Variants in FGR observed in about 807,000 individuals in gnomAD.
The protein encoded by FGR is FGR proto-oncogene, Src family tyrosine kinase, also known as tyrosine-protein kinase Fgr.
A neutral mutation model predicts 63.2 loss-of-function variants in FGR; 26 were observed. The ratio of observed to expected loss-of-function variants is 0.41; its 90% CI spans 0.30 to 0.57. The LOEUF (loss-of-function observed/expected upper bound fraction) is 0.57. Among genes scored for constraint, FGR ranks in the 20% least tolerant of loss-of-function variants. The pLI, the probability that FGR is intolerant of heterozygous loss-of-function variation, is 0.27. For missense variants in FGR, 511 were observed against 690.8 expected (o/e 0.74, Z 2.92); for synonymous variants, 286 against 277.7 (o/e 1.03, Z -0.30).
At chr1:27,626,411 C>G in intron 1 of FGR, 1 of 389,352 alleles carries the variant, frequency 2.6e-6, no homozygotes, top group East Asian at 3.6e-5. Context: ...TACAGATATT[C>G]TCTTCCTCTT....
At chr1:27,630,048 AGATTTTTTTTGT>A (rs1444116405) in intron 1 of FGR, among the ~76,000 whole-genome samples, 2 of 151,070 alleles carry the variant, frequency 1.3e-5, no homozygotes, top group East Asian at 3.9e-4. Context: ...AAACATTATG[AGATTTTTTTTGT>A]GATTTTTTTT....
intron 2 of FGR, among the ~76,000 whole-genome samples, chr1:27,624,487 CTCTT>C (rs1436164281): frequency 3.3e-5 from 5 of 152,142 alleles, no homozygotes; most frequent in Admixed American, 6.5e-5. Flanking sequence ...GTTTCTGTGA[CTCTT>C]TCAGTGTGCT....
chr1:27,621,538 CT>C lies in FGR; in HGVS notation c.428+20del, dbSNP rs1337211827. On this transcript the variant is annotated intron_variant, in intron 5 of 12. Coordinates refer to ENST00000374005, the MANE Select transcript of FGR (RefSeq NM_005248.3). ...CCAGGGTCCTGTCCATAGGGCTGGT[CT>C]TGCCCCAATCCCTACTTACTCTTCA... 3 of 1,593,430 alleles carry C rather than the reference CT, an allele frequency of 1.9e-6. No homozygotes were observed. In the African/African-American group the frequency reaches 4.0e-5, roughly 21 times the overall value.
rs567317051 is a variant in FGR at position 27,612,973 on chromosome 1, A to G, written c.1531T>C (p.Phe511Leu). 11 of 1,614,158 alleles carry G rather than the reference A, an allele frequency of 6.8e-6. No individual in the cohort carries two copies. In the South Asian group the frequency reaches 8.8e-5, roughly 13 times the overall value. The change falls in exon 13 of 13, where the codon TTC becomes CTC. Residue 511 changes from phenylalanine to leucine, a missense_variant. Phe to Leu is a conservative substitution (Grantham distance 22, BLOSUM62 0). Transcript: ENST00000374005. ...ERPTFEYLQS[F>L]LEDYFTSAEP... Reference sequence around the variant, plus strand: ...GCGGAGGTGAAGTAGTCCTCCAGGAAGGACTGCAGGTACTCGAAGGTAGGC... The same window carrying G: ...GCGGAGGTGAAGTAGTCCTCCAGGAGGGACTGCAGGTACTCGAAGGTAGGC...
Position 27,612,908 on chromosome 1 carries a change from G to A in FGR, c.*6C>T, listed in dbSNP as rs761340602. 2.5e-6 allele frequency: 4 copies of A among 1,610,858 alleles called. No homozygotes were observed. The highest frequency in any genetic ancestry group is 2.2e-5 in the South Asian group (2 of 90,906). On this transcript the variant is annotated 3_prime_UTR_variant, in exon 13 of 13. Transcript: ENST00000374005. Reference sequence around the variant, plus strand: ...CACCGCCAGAGAGGGTTGATGCCCGGACAGGCTATGTCTGATCCCCGGGCT... The same window carrying A: ...CACCGCCAGAGAGGGTTGATGCCCGAACAGGCTATGTCTGATCCCCGGGCT...
chr1:27,621,037 G>GAAAAGAAAAACA (rs201283255), intron 5 of FGR, among the ~76,000 whole-genome samples: 1 of 81,788 alleles, frequency 1.2e-5, no homozygotes, highest in Non-Finnish European at 2.7e-5. Context: ...AGAAAGAAAA[G>GAAAAGAAAAACA]AAAAGAAAAA....
At position 27,617,361 on chromosome 1, in the gene FGR, A is replaced by T; in HGVS notation, c.429-65T>A. 8.7e-7 allele frequency: 1 copy of T among 1,154,684 alleles called. No individual in the cohort carries two copies. Among genetic ancestry groups the T allele is most frequent in the Non-Finnish European group, 1.3e-6 (1 of 767,812 alleles). 71.5% of individuals were successfully genotyped at this position (1,154,684 alleles called of 1,614,324 possible). A position where few individuals can be genotyped will look rare whatever the true frequency, so the allele number is the denominator to read the frequency against. ...CAAACCTCACCTCAGCCTCCTGCACAGTCACCTCACAAGCCAAGACTCCAT... is the reference window on the plus strand; with the variant it reads ...CAAACCTCACCTCAGCCTCCTGCACTGTCACCTCACAAGCCAAGACTCCAT... On this transcript the variant is annotated intron_variant, in intron 5 of 12. Transcript: ENST00000374005. The surrounding 1 kb of genome is among the most constrained non-coding windows in gnomAD (Gnocchi z 4.5).
chr1:27,618,247 G>T (rs1363804937), intron 5 of FGR, among the ~76,000 whole-genome samples: 1 of 152,098 alleles, frequency 6.6e-6, no homozygotes, highest in Non-Finnish European at 1.5e-5. Flanking sequence ...ACATTGTCAA[G>T]TTTTTTCAAA....
chr1:27,629,074 A>AAG (rs1027470613), intron 1 of FGR, among the ~76,000 whole-genome samples: 2 of 152,016 alleles, frequency 1.3e-5, no homozygotes, highest in Non-Finnish European at 2.9e-5. Flanking sequence ...GGCAGAAAGA[A>AAG]AGAGAGAGAG....
chr1:27,633,541 C>T (rs184971551), intron 1 of FGR, among the ~76,000 whole-genome samples: 3 of 152,308 alleles, frequency 2.0e-5, no homozygotes, highest in Admixed American at 6.5e-5. Flanking sequence ...CAGTGAGAGC[C>T]GGGCAGTCTG....
chr1:27,620,334 C>T (rs1171060594), intron 5 of FGR, among the ~76,000 whole-genome samples: 1 of 152,022 alleles, frequency 6.6e-6, no homozygotes, highest in Non-Finnish European at 1.5e-5. Flanking sequence ...AATATCAAGG[C>T]CAGGCATGGT....
chr1:27,613,446 T>A, intron 11 of FGR, 96 bp from the exon 12 acceptor site: 2 of 1,403,368 alleles, frequency 1.4e-6, no homozygotes, highest in Non-Finnish European at 2.0e-6. Context: ...CTCACGTCTG[T>A]AATCCCAGCA....
intron 1 of FGR, among the ~76,000 whole-genome samples, chr1:27,630,282 T>C (rs1166360711): frequency 6.6e-6 from 1 of 152,234 alleles, no homozygotes; most frequent in Non-Finnish European, 1.5e-5. Flanking sequence ...CTCGATCTCC[T>C]GACCTCGTGA....
intron 1 of FGR, among the ~76,000 whole-genome samples, chr1:27,625,721 A>G (rs996595079): frequency 1.3e-5 from 2 of 152,166 alleles, no homozygotes; most frequent in Admixed American, 6.6e-5. Context: ...TGAGTGGATC[A>G]CAAGGTCAGG....
In FGR at chr1:27,614,638, G is replaced by A. The variant is rs2231882; in HGVS notation, c.1096-55C>T. On this transcript the variant is annotated intron_variant, in intron 10 of 12. Transcript: ENST00000374005. ...GCTCATGTGGACTCACAACACCGTGGCCTGTTTGAGGGGTGAGGGACCATT... is the reference window on the plus strand; with the variant it reads ...GCTCATGTGGACTCACAACACCGTGACCTGTTTGAGGGGTGAGGGACCATT... The A allele has an allele frequency of 6.6e-5, 105 of 1,593,408 alleles. 1 individual carries two copies. In the East Asian group the frequency reaches 2.1e-3, roughly 32 times the overall value.
rs773958032 is a variant in FGR, at chr1:27,623,829, C to T, written c.88G>A (p.Ala30Thr). ...GGGTCAGGCCCATAGTGGTCTGCTG[C>T]CCCGTAGCTTCTGAAGTCCCCTTCC... ...GLEGDFRSYGAADHYGPDPTK... is the reference protein window; with the variant it reads ...GLEGDFRSYGTADHYGPDPTK... Residue 30 changes from alanine to threonine, a missense_variant, in exon 3 of 13, where the codon GCA (alanine) becomes ACA (threonine). Ala to Thr is a moderately conservative substitution (Grantham distance 58). Coordinates refer to ENST00000374005, the MANE Select transcript of FGR (RefSeq NM_005248.3). The T allele has an allele frequency of 6.2e-7, 1 of 1,614,162 alleles. No individual in the cohort carries two copies. The highest frequency in any genetic ancestry group is 1.3e-5 in the African/African-American group (1 of 75,046).
At chr1:27,630,743 T>A (rs1557740997) in intron 1 of FGR, among the ~76,000 whole-genome samples, 1 of 152,068 alleles carries the variant, frequency 6.6e-6, no homozygotes, top group Admixed American at 6.5e-5. Context: ...GGGCACTTGG[T>A]TCTGTTTATA....
intron 1 of FGR, among the ~76,000 whole-genome samples, chr1:27,633,351 G>A (rs916223312): frequency 3.9e-5 from 6 of 152,186 alleles, no homozygotes; most frequent in African/African-American, 7.2e-5. Context: ...CACCACAGTC[G>A]GAAGGATGCC....
At chr1:27,619,535 CA>C (rs1276443134) in intron 5 of FGR, among the ~76,000 whole-genome samples, 1 of 152,230 alleles carries the variant, frequency 6.6e-6, no homozygotes, top group African/African-American at 2.4e-5. Context: ...TCATGAGTCC[CA>C]AATTTCTGCC....
Sources: allele counts gnomAD v4.1 joint callset (sites outside exome capture counted in the v4.1 genomes callset), GRCh38; gene constraint gnomAD v4.1.1; non-coding constraint Gnocchi (gnomAD v3.1); transcripts MANE v1.5; gene names NCBI Gene and HGNC (gene_info 2026-07-23, HGNC 2026-07-21).